PSKH1: variants seen among roughly 807,000 people sequenced by gnomAD.
The protein encoded by PSKH1 is protein serine kinase H1, also known as serine/threonine-protein kinase H1.
PSKH1 carries 12 observed loss-of-function variants against 26.7 expected under a neutral mutation model. The ratio of observed to expected loss-of-function variants is 0.45; its 90% CI spans 0.29 to 0.73. The LOEUF is 0.73. PSKH1 is among the 30% of genes least tolerant of loss of function. The pLI is 0.11. For missense variants in PSKH1, 431 were observed against 595.2 expected, an observed-to-expected ratio of 0.72 and a Z score of 2.87; for synonymous variants, 213 against 234.3, an observed-to-expected ratio of 0.91 and a Z score of 0.83.
intron 1 of PSKH1, among the ~76,000 whole-genome samples, chr16:67,893,689 G>A (rs1009650912): frequency 1.3e-5 from 2 of 152,246 alleles, no homozygotes; most frequent in Admixed American, 1.3e-4. Context: ...GAGCGGGTCA[G>A]GTTGATCCAA....
At position 67,908,804 on chromosome 16, in the gene PSKH1, G is replaced by A; in HGVS notation, c.55G>A (p.Asp19Asn). The A allele has an allele frequency of 6.2e-7, 1 of 1,612,086 alleles. No individual in the cohort carries two copies. The highest frequency in any genetic ancestry group is 1.3e-5 in the African/African-American group (1 of 75,034). The change falls in exon 2 of 3, where the codon GAT (aspartate) becomes AAT (asparagine). Residue 19 changes from aspartate to asparagine, a missense_variant. Physicochemically the swap from Asp to Asn is conservative, Grantham distance 23. Coordinates refer to ENST00000291041, the MANE Select transcript of PSKH1 (RefSeq NM_006742.3). ...CGAGCCACCCAAGGATGTCCAGCTG[G>A]ATCTGGTCAAGAAGGTGGAGCCCTT... Reference protein sequence around the residue: ...LPEPPKDVQLDLVKKVEPFSG... With the variant: ...LPEPPKDVQLNLVKKVEPFSG...
intron 2 of PSKH1, among the ~76,000 whole-genome samples, chr16:67,921,083 G>A (rs762599490): frequency 2.6e-5 from 4 of 151,848 alleles, no homozygotes; most frequent in Non-Finnish European, 5.9e-5. Context: ...GTTTGAGACC[G>A]ACCTGACCAA....
chr16:67,907,117 C>A (rs943113706), intron 1 of PSKH1, among the ~76,000 whole-genome samples: 1 of 151,888 alleles, frequency 6.6e-6, no homozygotes, highest in African/African-American at 2.4e-5. Flanking sequence ...GCGCCTGCCA[C>A]CACGCCCGGC....
Position 67,909,890 on chromosome 16 carries a change from A to G in PSKH1, c.957+184A>G, listed in dbSNP as rs2058168604. 2 of 611,952 alleles carry G rather than the reference A, an allele frequency of 3.3e-6. No homozygotes were observed. Among genetic ancestry groups the G allele is most frequent in the East Asian group, 5.5e-5 (2 of 36,272 alleles). 37.9% of individuals were successfully genotyped at this position (611,952 alleles called of 1,614,324 possible). On this transcript the variant is annotated intron_variant, in intron 2 of 2. Transcript: ENST00000291041. The surrounding 1 kb of genome is among the most constrained non-coding windows in gnomAD (Gnocchi z 7.8). Reference sequence around the variant, plus strand: ...GGGTTCCCTCAAGGTGAGCCCTGAGACAAGGACTTGGGAGCAGATAGTTTA... The same window carrying G: ...GGGTTCCCTCAAGGTGAGCCCTGAGGCAAGGACTTGGGAGCAGATAGTTTA...
intron 2 of PSKH1, among the ~76,000 whole-genome samples, chr16:67,913,673 C>G (rs1250803787): frequency 6.6e-6 from 1 of 152,172 alleles, no homozygotes; most frequent in Non-Finnish European, 1.5e-5. Context: ...AAAGAGAAAC[C>G]AGAGCCCTGC....
At chr16:67,896,925 G>A (rs1343471423) in intron 1 of PSKH1, among the ~76,000 whole-genome samples, 3 of 152,188 alleles carry the variant, frequency 2.0e-5, no homozygotes, top group Admixed American at 6.5e-5. Flanking sequence ...TGCCCCTACA[G>A]AAGTAGGTGC....
intron 1 of PSKH1, among the ~76,000 whole-genome samples, chr16:67,899,331 ATTTTTTTTTT>A (rs555492519): frequency 1.6e-5 from 2 of 128,278 alleles, no homozygotes; most frequent in Non-Finnish European, 3.3e-5. Flanking sequence ...GCCAGACCAC[ATTTTTTTTTT>A]TTTTTTTTTT....
At chr16:67,898,299 G>A (rs996167603) in intron 1 of PSKH1, among the ~76,000 whole-genome samples, 1 of 152,112 alleles carries the variant, frequency 6.6e-6, no homozygotes, top group Admixed American at 6.5e-5. Context: ...CTAGGTACTC[G>A]GGGGCTGAGG....
chr16:67,904,821 ATTTTT>A (rs942779122), intron 1 of PSKH1, among the ~76,000 whole-genome samples: 2 of 115,950 alleles, frequency 1.7e-5, no homozygotes, highest in African/African-American at 3.3e-5. Flanking sequence ...TCCTTTTTTA[ATTTTT>A]TTTTTTTTTT....
intron 1 of PSKH1, among the ~76,000 whole-genome samples, chr16:67,899,304 C>T (rs1477985947): frequency 6.6e-6 from 1 of 150,512 alleles, no homozygotes; most frequent in Non-Finnish European, 1.5e-5. Context: ...TGACTTGCAG[C>T]AAATAGAAAT....
Position 67,927,407 on chromosome 16 carries a change from T to C in PSKH1, c.1040T>C (p.Leu347Pro), listed in dbSNP as rs774453539. The change falls in exon 3 of 3, where the codon CTG becomes CCG. Residue 347 changes from leucine to proline, a missense_variant. Transcript: ENST00000291041. This position sits in a 1 kb window ranked among gnomAD's most constrained non-coding sequence, Gnocchi z 5.5. ...GACCCTGGAGCCCGTATGACTGCAC[T>C]GCAGGCCCTGAGGCACCCGTGGGTG... ...TVDPGARMTA[L>P]QALRHPWVVS... The C allele has an allele frequency of 6.2e-7, 1 of 1,614,218 alleles. No homozygotes were observed. Among genetic ancestry groups the C allele is most frequent in the Non-Finnish European group, 8.5e-7 (1 of 1,180,036 alleles).
At chr16:67,911,545 G>A (rs1327327333) in intron 2 of PSKH1, among the ~76,000 whole-genome samples, 1 of 152,208 alleles carries the variant, frequency 6.6e-6, no homozygotes, top group Non-Finnish European at 1.5e-5. Context: ...AGCCGGGTGT[G>A]GCAGCGGGCA....
chr16:67,906,587 A>G (rs139165311), intron 1 of PSKH1, among the ~76,000 whole-genome samples: 4,454 of 150,010 alleles, frequency 0.03, 94 homozygotes, highest in Middle Eastern at 0.16. Flanking sequence ...CTGGTCTTGA[A>G]CTCCTGACCT....
chr16:67,900,146 A>G (rs2058137690), intron 1 of PSKH1, among the ~76,000 whole-genome samples: 2 of 151,654 alleles, frequency 1.3e-5, no homozygotes, highest in South Asian at 4.2e-4. Context: ...TATTTTTAGT[A>G]GAGATGGGTT....
chr16:67,902,637 C>A (rs2058145235), intron 1 of PSKH1, among the ~76,000 whole-genome samples: 1 of 152,082 alleles, frequency 6.6e-6, no homozygotes, highest in Admixed American at 6.6e-5. Context: ...CCCTGAGGAC[C>A]AGACTAGGTC....
Position 67,927,612 on chromosome 16 carries a change from C to T in PSKH1, c.1245C>T (p.Asn415=). 6.2e-7 allele frequency: 1 copy of T among 1,609,316 alleles called. No individual in the cohort carries two copies. Among genetic ancestry groups the T allele is most frequent in the Non-Finnish European group, 8.5e-7 (1 of 1,179,622 alleles). Residue 415 remains asparagine, a synonymous_variant, in exon 3 of 3, where the codon AAC becomes AAT. Transcript: ENST00000291041. The surrounding 1 kb of genome is among the most constrained non-coding windows in gnomAD (Gnocchi z 5.5). ...RVRERELREL[N]LRYQQQYNG Reference sequence around the variant, plus strand: ...GGGAACGGGAGCTGCGGGAGCTCAACCTGCGCTACCAGCAGCAATACAATG... The same window carrying T: ...GGGAACGGGAGCTGCGGGAGCTCAATCTGCGCTACCAGCAGCAATACAATG...
At chr16:67,910,944 T>C (rs953831459) in intron 2 of PSKH1, among the ~76,000 whole-genome samples, 13 of 152,242 alleles carry the variant, frequency 8.5e-5, no homozygotes, top group Non-Finnish European at 2.9e-5. Flanking sequence ...ATAGTCCTGA[T>C]GCCTCCAAAA....
intron 2 of PSKH1, among the ~76,000 whole-genome samples, chr16:67,918,730 T>C (rs1220886028): frequency 6.6e-6 from 1 of 151,864 alleles, no homozygotes; most frequent in African/African-American, 2.4e-5. Flanking sequence ...TAGCTGGGAT[T>C]ATAGGTGCCA....
At chr16:67,907,349 C>T (rs2058159300) in intron 1 of PSKH1, among the ~76,000 whole-genome samples, 1 of 151,902 alleles carries the variant, frequency 6.6e-6, no homozygotes, top group African/African-American at 2.4e-5. Flanking sequence ...CAACCTCTGC[C>T]TCCCGGGTTC....
Sources: allele counts gnomAD v4.1 joint callset (sites outside exome capture counted in the v4.1 genomes callset), GRCh38; gene constraint gnomAD v4.1.1; non-coding constraint Gnocchi (gnomAD v3.1); transcripts MANE v1.5; gene names NCBI Gene and HGNC (gene_info 2026-07-23, HGNC 2026-07-21).